DIP2C: variants seen among roughly 807,000 people sequenced by gnomAD.
DIP2C encodes the protein disco-interacting protein 2 homolog C.
DIP2C carries 33 observed loss-of-function variants against 192.4 expected under a neutral mutation model. The ratio of observed to expected loss-of-function variants is 0.17; its 90% confidence interval spans 0.13 to 0.23. The LOEUF (loss-of-function observed/expected upper bound fraction) is 0.23. Among genes scored for constraint, DIP2C ranks in the 10% least tolerant of loss-of-function variants. The pLI is 1.00. For synonymous variants in DIP2C, 979 were observed against 864.1 expected (o/e 1.13, Z -2.33); for missense variants, 1,537 against 2,110.1 (o/e 0.73, Z 5.32).
intron 5 of DIP2C, among the ~76,000 whole-genome samples, chr10:422,261 C>T (rs1412906160): frequency 6.6e-6 from 1 of 152,184 alleles, no homozygotes; most frequent in Non-Finnish European, 1.5e-5. Flanking sequence ...CATCACCGCT[C>T]CCCACGTGCC....
intron 32 of DIP2C, among the ~76,000 whole-genome samples, chr10:309,526 T>TCACACCTGCCACTGCTGTCCTGCAAC (rs1956481486): frequency 6.6e-6 from 1 of 151,268 alleles, no homozygotes; most frequent in Non-Finnish European, 1.5e-5. Flanking sequence ...ACTCCTGCTA[T>TCACACCTGCCACTGCTGTCCTGCAAC]CACACCTGCC....
At chr10:683,485 G>A (rs191316864) in intron 1 of DIP2C, among the ~76,000 whole-genome samples, 2 of 152,278 alleles carry the variant, frequency 1.3e-5, no homozygotes, top group Admixed American at 6.5e-5. Flanking sequence ...GGAGGCGTTC[G>A]GGAAGGGAAG....
chr10:400,782 G>A (rs564463707), intron 9 of DIP2C, among the ~76,000 whole-genome samples: 13 of 151,548 alleles, frequency 8.6e-5, no homozygotes, highest in Non-Finnish European at 1.8e-4. Flanking sequence ...GATTTTACAC[G>A]TGTGGTAGCA....
rs1959834100 is a variant in DIP2C at position 363,763 on chromosome 10, C to A, written c.2478-452G>T. The stretch of plus-strand genomic sequence containing the variant: ...TTATACTGTCAGCACAGCACAGTCA[C>A]CTCCAGTAAAAGAGATTGTAGCTGT... On this transcript the variant is annotated intron_variant, in intron 20 of 36. Coordinates refer to ENST00000280886, the MANE Select transcript of DIP2C (RefSeq NM_014974.3). The surrounding 1 kb of genome is among the most constrained non-coding windows in gnomAD (Gnocchi z 5.4). Among the ~76,000 whole-genome samples, 1 of 152,216 alleles carries A rather than the reference C, an allele frequency of 6.6e-6. No homozygotes were observed. Among genetic ancestry groups the A allele is most frequent in the African/African-American group, 2.4e-5 (1 of 41,446 alleles).
intron 31 of DIP2C, among the ~76,000 whole-genome samples, chr10:315,032 T>C (rs530495862): frequency 2.5e-4 from 38 of 152,354 alleles, no homozygotes; most frequent in Admixed American, 2.2e-3. Flanking sequence ...CCTTTTCTCA[T>C]GAATAGAATA....
chr10:365,283 G>A (rs368662844), intron 19 of DIP2C, among the ~76,000 whole-genome samples: 14 of 152,250 alleles, frequency 9.2e-5, no homozygotes, highest in East Asian at 3.9e-4. Context: ...CTGTAATCCC[G>A]GCACTTTAGG....
chr10:456,354 G>A (rs866379469), intron 3 of DIP2C, among the ~76,000 whole-genome samples: 10 of 133,130 alleles, frequency 7.5e-5, no homozygotes, highest in East Asian at 4.3e-4. Context: ...AGGGGAGGCC[G>A]TGAGGAGTAA....
chr10:439,501 C>CA (rs1453975005), intron 4 of DIP2C, among the ~76,000 whole-genome samples: 6 of 152,184 alleles, frequency 3.9e-5, no homozygotes, highest in African/African-American at 1.4e-4. Flanking sequence ...CCTGTGGTCC[C>CA]AGGTGCTTGA....
intron 36 of DIP2C, among the ~76,000 whole-genome samples, chr10:280,683 G>A (rs1954773863): frequency 6.6e-6 from 1 of 152,254 alleles, no homozygotes; most frequent in South Asian, 2.1e-4. Flanking sequence ...GCCCAGAGCA[G>A]AGTCTGCCCC....
rs1375010413 is a variant in DIP2C, at chr10:689,222, A to G, written c.85+272T>C. On this transcript the variant is annotated intron_variant, in intron 1 of 36. Coordinates refer to ENST00000280886, the MANE Select transcript of DIP2C (RefSeq NM_014974.3). This position sits in a 1 kb window ranked among gnomAD's most constrained non-coding sequence, Gnocchi z 6.1. ...ATCGCGGCCCCACAAACACCCCCAG[A>G]GCGCGAGGGGATCCCAGGCCCCACA... 6.9e-6 allele frequency among the ~76,000 whole-genome samples: 1 copy of G among 145,066 alleles called. No individual in the cohort carries two copies. The highest frequency in any genetic ancestry group is 1.5e-5 in the Non-Finnish European group (1 of 66,102).
chr10:619,189 T>C (rs2131825209), intron 1 of DIP2C, among the ~76,000 whole-genome samples: 1 of 152,316 alleles, frequency 6.6e-6, no homozygotes, highest in Non-Finnish European at 1.5e-5. Flanking sequence ...TGTGAACACC[T>C]GGACAAGTCA....
chr10:517,052 A>AG (rs1356424353), intron 1 of DIP2C, among the ~76,000 whole-genome samples: 1 of 151,774 alleles, frequency 6.6e-6, no homozygotes, highest in Non-Finnish European at 1.5e-5. Flanking sequence ...TAGAGCACAG[A>AG]GGTTCAGGTC....
chr10:359,726 T>TC (rs1959220305), intron 22 of DIP2C, among the ~76,000 whole-genome samples: 2 of 152,138 alleles, frequency 1.3e-5, no homozygotes, highest in East Asian at 1.9e-4. Context: ...CGGGAGACCC[T>TC]CATTCACCCG....
chr10:665,441 C>T (rs747243164), intron 1 of DIP2C: 3 of 151,906 alleles, frequency 2.0e-5, no homozygotes, highest in Non-Finnish European at 4.4e-5. Context: ...TCCAGTAACG[C>T]GATCATCTAG....
chr10:450,692 G>A (rs770619215), intron 3 of DIP2C, among the ~76,000 whole-genome samples: 3 of 152,100 alleles, frequency 2.0e-5, no homozygotes, highest in African/African-American at 4.8e-5. Flanking sequence ...CCAGGGTGAC[G>A]ACAGGCCAAC....
At chr10:484,253 T>C (rs1843833109) in intron 2 of DIP2C, among the ~76,000 whole-genome samples, 1 of 152,252 alleles carries the variant, frequency 6.6e-6, no homozygotes, top group African/African-American at 2.4e-5. Flanking sequence ...CAAAATACTG[T>C]CCGCCAAAGT....
chr10:569,936 G>C (rs745958691), intron 1 of DIP2C, among the ~76,000 whole-genome samples: 2 of 152,186 alleles, frequency 1.3e-5, no homozygotes, highest in African/African-American at 2.4e-5. Context: ...GAAATCTACA[G>C]TGCTTCTGGC....
In DIP2C at chr10:405,682, G is replaced by A. The variant is rs886625305; in HGVS notation, c.1149+3244C>T. Among the ~76,000 whole-genome samples the A allele has an allele frequency of 1.1e-4, 17 of 152,222 alleles. No homozygotes were observed. In the East Asian group the frequency reaches 1.4e-3, roughly 12 times the overall value. On this transcript the variant is annotated intron_variant, in intron 9 of 36. Transcript: ENST00000280886. The stretch of plus-strand genomic sequence containing the variant: ...TTGTAAACCCACATGGCTTCCCTCC[G>A]TTCAATCCTCTGTGTACTTCTTTGA...
intron 1 of DIP2C, among the ~76,000 whole-genome samples, chr10:681,673 C>T (rs546848737): frequency 2.6e-5 from 4 of 152,208 alleles, no homozygotes; most frequent in Non-Finnish European, 5.9e-5. Context: ...GGTACAGCCA[C>T]CATCTACGGC....
Sources: gnomAD v4.1 joint callset for allele counts (sites outside exome capture counted in the v4.1 genomes callset) on GRCh38, gnomAD v4.1.1 for gene constraint, Gnocchi (gnomAD v3.1) non-coding constraint, MANE v1.5 for transcripts, NCBI Gene and HGNC (gene_info 2026-07-23, HGNC 2026-07-21) for gene names.